KIF26B: variants seen among roughly 807,000 people sequenced by gnomAD.
The protein encoded by KIF26B is kinesin-like protein KIF26B.
A neutral mutation model predicts 151.2 loss-of-function variants in KIF26B; 63 were observed. The observed-to-expected ratio is 0.42, with a 90% CI of 0.34 to 0.51. The LOEUF is 0.51. Ranked by LOEUF, KIF26B falls within the 20% of genes least tolerant of loss-of-function variation. KIF26B has a pLI of 0.07. For missense variants in KIF26B, 2,813 were observed against 2,913.6 expected (o/e 0.97, Z 0.79); for synonymous variants, 1,357 against 1,262.1 (o/e 1.08, Z -1.59).
At chr1:245,484,793 A>ATTATTATTATTATTC (rs1316870686) in intron 4 of KIF26B, among the ~76,000 whole-genome samples, 1 of 145,178 alleles carries the variant, frequency 6.9e-6, no homozygotes, top group African/African-American at 2.5e-5. Context: ...TATTATTATT[A>ATTATTATTATTATTC]TTCTTTTAAT....
At chr1:245,369,470 T>C (rs756671660) in intron 3 of KIF26B, among the ~76,000 whole-genome samples, 9 of 152,244 alleles carry the variant, frequency 5.9e-5, no homozygotes, top group Non-Finnish European at 8.8e-5. Context: ...TATCCTAAGA[T>C]ATTAGCATTC....
chr1:245,529,643 T>C (rs977580937), intron 4 of KIF26B, among the ~76,000 whole-genome samples: 5 of 152,230 alleles, frequency 3.3e-5, no homozygotes, highest in African/African-American at 1.2e-4. Flanking sequence ...TCAGCAAACA[T>C]TCGTAGTTAC....
chr1:245,553,092 A>G (rs1254448206), intron 5 of KIF26B, among the ~76,000 whole-genome samples: 2 of 152,214 alleles, frequency 1.3e-5, no homozygotes, highest in Non-Finnish European at 2.9e-5. Flanking sequence ...TTTCCAAATC[A>G]TACAACATAT....
chr1:245,659,723 A>T (rs1056936534), intron 10 of KIF26B, among the ~76,000 whole-genome samples: 9 of 152,100 alleles, frequency 5.9e-5, no homozygotes, highest in African/African-American at 2.2e-4. Flanking sequence ...TATCAAGTAC[A>T]TTCAAGGAAA....
chr1:245,293,578 CTTTTT>C (rs138673467), intron 2 of KIF26B, among the ~76,000 whole-genome samples: 4 of 139,422 alleles, frequency 2.9e-5, no homozygotes, highest in African/African-American at 5.3e-5. Flanking sequence ...TCTTTCTTTC[CTTTTT>C]TTTTTTTTTT....
At chr1:245,190,265 T>G (rs1022785515) in intron 2 of KIF26B, among the ~76,000 whole-genome samples, 1 of 152,244 alleles carries the variant, frequency 6.6e-6, no homozygotes, top group Non-Finnish European at 1.5e-5. Flanking sequence ...GCCTATGGGA[T>G]GTTCCCCCGA....
chr1:245,289,139 C>T (rs1157709144), intron 2 of KIF26B, among the ~76,000 whole-genome samples: 1 of 152,174 alleles, frequency 6.6e-6, no homozygotes, highest in Non-Finnish European at 1.5e-5. Flanking sequence ...CTCTCTCCAT[C>T]ACCATTAATT....
At chr1:245,337,166 ATTTAT>A (rs1365063347) in intron 2 of KIF26B, among the ~76,000 whole-genome samples, 2 of 150,762 alleles carry the variant, frequency 1.3e-5, no homozygotes, top group Non-Finnish European at 2.9e-5. Context: ...TTATTTATTT[ATTTAT>A]TTATCTATTT....
rs74154412 is a variant in KIF26B, at chr1:245,495,457, A to T, written c.1167-45310A>T. 6.6e-6 allele frequency among the ~76,000 whole-genome samples: 1 copy of T among 152,198 alleles called. No individual in the cohort carries two copies. The highest frequency in any genetic ancestry group is 2.4e-5 in the African/African-American group (1 of 41,434). Reference sequence around the variant, plus strand: ...TCAAATCATGGTAATCAGCATATCTATCAACTCAAACATTTATCATGTCTT... The same window carrying T: ...TCAAATCATGGTAATCAGCATATCTTTCAACTCAAACATTTATCATGTCTT... On this transcript the variant is annotated intron_variant, in intron 4 of 14. Transcript: ENST00000407071. This position sits in a 1 kb window ranked among gnomAD's most constrained non-coding sequence, Gnocchi z 4.2.
At chr1:245,405,283 C>T (rs1049327003) in intron 3 of KIF26B, among the ~76,000 whole-genome samples, 43 of 152,148 alleles carry the variant, frequency 2.8e-4, no homozygotes, top group Non-Finnish European at 5.1e-4. Context: ...AGGGAATAGG[C>T]AGAAGAACAA....
chr1:245,657,257 G>A (rs181751977), intron 10 of KIF26B, among the ~76,000 whole-genome samples: 4 of 152,062 alleles, frequency 2.6e-5, no homozygotes, highest in African/African-American at 4.8e-5. Flanking sequence ...AAAACACCGC[G>A]TTGGTGTCTT....
At chr1:245,471,754 T>C (rs1659920332) in intron 4 of KIF26B, among the ~76,000 whole-genome samples, 1 of 151,876 alleles carries the variant, frequency 6.6e-6, no homozygotes, top group Non-Finnish European at 1.5e-5. Context: ...TTCAGTATAA[T>C]AGAGCAATAA....
At chr1:245,684,102 T>G in intron 10 of KIF26B, 131 bp from the exon 11 acceptor site, 1 of 890,852 alleles carries the variant, frequency 1.1e-6, no homozygotes, top group Non-Finnish European at 1.7e-6. Flanking sequence ...TGATGCTAAT[T>G]AGTATGCCAT....
intron 4 of KIF26B, among the ~76,000 whole-genome samples, chr1:245,421,643 A>T (rs1347214293): frequency 1.3e-5 from 2 of 152,198 alleles, no homozygotes; most frequent in South Asian, 4.2e-4. Context: ...AGTTCCAGCC[A>T]GAGAATTTTA....
intron 6 of KIF26B, among the ~76,000 whole-genome samples, 187 bp from the exon 7 acceptor site, chr1:245,607,464 C>T (rs927931720): frequency 6.6e-6 from 1 of 152,192 alleles, no homozygotes; most frequent in Non-Finnish European, 1.5e-5. Context: ...AATGCTCAGG[C>T]TTGCAAAGGG....
At chr1:245,350,051 A>ATATT (rs1553349566) in intron 2 of KIF26B, among the ~76,000 whole-genome samples, 4 of 141,052 alleles carry the variant, frequency 2.8e-5, no homozygotes, top group African/African-American at 1.1e-4. Context: ...ATATATATAT[A>ATATT]TTTTTTTTTC....
At chr1:245,666,068 C>T (rs1032176724) in intron 10 of KIF26B, among the ~76,000 whole-genome samples, 1 of 136,246 alleles carries the variant, frequency 7.3e-6, no homozygotes, top group Admixed American at 8.3e-5. Flanking sequence ...GTGGTGCAAT[C>T]TCAGCTCACT....
In KIF26B at chr1:245,687,677, G is replaced by C; in HGVS notation, c.4694G>C (p.Gly1565Ala). 6.3e-7 allele frequency: 1 copy of C among 1,578,896 alleles called. No individual in the cohort carries two copies. Among genetic ancestry groups the C allele is most frequent in the South Asian group, 1.2e-5 (1 of 85,762 alleles). ...TGCGCTGCTGAGACCAACGGGGTGG[G>C]TGCAGCCTCGGGCACCCCGCCCTCC... is the stretch of plus-strand genomic sequence containing the variant. The part of the protein sequence containing the change: ...YYCAAETNGV[G>A]AASGTPPSKA... Residue 1565 changes from glycine (G) to alanine (A), a missense_variant, in exon 12 of 15, where the codon GGT (glycine) becomes GCT (alanine). Physicochemically the swap from Gly to Ala is moderately conservative, Grantham distance 60. Around this residue, in one of 3 missense-constraint regions of KIF26B, gnomAD observed 2,060 missense variants for 2,088.6 expected, o/e 0.99. Transcript: ENST00000407071. This position sits in a 1 kb window ranked among gnomAD's most constrained non-coding sequence, Gnocchi z 4.9.
intron 2 of KIF26B, among the ~76,000 whole-genome samples, chr1:245,320,673 TG>T (rs1445189271): frequency 6.6e-6 from 1 of 152,100 alleles, no homozygotes; most frequent in Admixed American, 6.6e-5. Context: ...GTTTTTGTTT[TG>T]TTTTATTTAT....
Sources: gnomAD v4.1 joint callset for allele counts (sites outside exome capture counted in the v4.1 genomes callset) on GRCh38, gnomAD v4.1.1 for gene constraint, gnomAD v4.1.1 regional missense constraint, Gnocchi (gnomAD v3.1) non-coding constraint, MANE v1.5 for transcripts, NCBI Gene and HGNC (gene_info 2026-07-23, HGNC 2026-07-21) for gene names.